Variants in MAPKAPK2 observed in about 807,000 individuals in gnomAD.
MAPKAPK2 encodes MAP kinase-activated protein kinase 2.
In MAPKAPK2, 9 loss-of-function variants were observed where a neutral mutation model predicts 48.8. The ratio of observed to expected loss-of-function variants is 0.18; its 90% CI spans 0.11 to 0.32. MAPKAPK2 has a LOEUF of 0.32. MAPKAPK2 is among the 10% of genes least tolerant of loss of function. The probability of loss-of-function intolerance (pLI) is 1.00; values close to 1 mark genes in which losing one functional copy is unlikely to be tolerated. For synonymous variants in MAPKAPK2, 202 were observed against 190.6 expected, an observed-to-expected ratio of 1.06 and a Z score of -0.49; for missense variants, 331 against 498.3, an observed-to-expected ratio of 0.66 and a Z score of 3.20.
At chr1:206,701,929 AT>A (rs1672810255) in intron 1 of MAPKAPK2, among the ~76,000 whole-genome samples, 1 of 150,754 alleles carries the variant, frequency 6.6e-6, no homozygotes, top group East Asian at 2.0e-4. Context: ...AACCAGGATG[AT>A]TGTTAGACTC....
Position 206,702,339 on chromosome 1 carries a change from C to T in MAPKAPK2, c.279+16831C>T, listed in dbSNP as rs1472800083. ...CAGCTGTGGTGTGGTCCCTGCCACT[C>T]CAAGTCATGGCATGCGTCAGAGTGC... On this transcript the variant is annotated intron_variant, in intron 1 of 9. Transcript: ENST00000367103. Among the ~76,000 whole-genome samples the T allele has an allele frequency of 3.9e-5, 6 of 152,318 alleles. No homozygotes were observed. In the East Asian group the frequency reaches 1.2e-3, roughly 29 times the overall value.
At chr1:206,722,830 C>T (rs1403388306) in intron 1 of MAPKAPK2, among the ~76,000 whole-genome samples, 1 of 152,222 alleles carries the variant, frequency 6.6e-6, no homozygotes, top group Non-Finnish European at 1.5e-5. Flanking sequence ...TCCTTTACAC[C>T]CCTCAGAGCA....
At chr1:206,688,953 G>A (rs1353268443) in intron 1 of MAPKAPK2, among the ~76,000 whole-genome samples, 2 of 152,082 alleles carry the variant, frequency 1.3e-5, no homozygotes, top group East Asian at 1.9e-4. Context: ...TCTTTGATAA[G>A]GACACCTAGT....
chr1:206,685,212 C>A lies in MAPKAPK2; in HGVS notation c.-18C>A. The A allele has an allele frequency of 2.7e-6, 1 of 377,086 alleles. No individual in the cohort carries two copies. Among genetic ancestry groups the A allele is most frequent in the Non-Finnish European group, 4.5e-6 (1 of 224,330 alleles). 23.4% of individuals were successfully genotyped at this position (377,086 alleles called of 1,614,324 possible). The stretch of plus-strand genomic sequence containing the variant: ...GGCCGCGGGCACCCCCGCCTGTGCC[C>A]CGGCGTCCCCGGGCACCATGCTGTC... On this transcript the variant is annotated 5_prime_UTR_variant, in exon 1 of 10. Transcript: ENST00000367103.
At chr1:206,720,352 T>TTTTTGTTTTG (rs549265514) in intron 1 of MAPKAPK2, among the ~76,000 whole-genome samples, 2 of 152,114 alleles carry the variant, frequency 1.3e-5, no homozygotes, top group Admixed American at 1.3e-4. Flanking sequence ...GCCTTTATTG[T>TTTTTGTTTTG]TTTTGTTTTG....
At chr1:206,713,520 C>G (rs1673225434) in intron 1 of MAPKAPK2, among the ~76,000 whole-genome samples, 1 of 152,150 alleles carries the variant, frequency 6.6e-6, no homozygotes, top group South Asian at 2.1e-4. Context: ...CAGCATGTGA[C>G]CCAAGATGTA....
rs372605257 is a variant in MAPKAPK2, at chr1:206,693,960, C to G, written c.279+8452C>G. On this transcript the variant is annotated intron_variant, in intron 1 of 9. Transcript: ENST00000367103. ...CCGAGTGCATGGGTTTCTTCTACCT[C>G]TTGACTGCAGTATTGATGTGTGTCC... Among the ~76,000 whole-genome samples, 13 of 152,296 alleles carry G rather than the reference C, an allele frequency of 8.5e-5. No individual in the cohort carries two copies. In the East Asian group the frequency reaches 1.5e-3, roughly 18 times the overall value.
intron 1 of MAPKAPK2, among the ~76,000 whole-genome samples, chr1:206,707,720 G>T (rs1673010508): frequency 6.6e-6 from 1 of 152,150 alleles, no homozygotes; most frequent in Non-Finnish European, 1.5e-5. Flanking sequence ...GGGGGTTTGG[G>T]GGTAGGGCAT....
chr1:206,709,272 A>G (rs1163791040), intron 1 of MAPKAPK2, among the ~76,000 whole-genome samples: 3 of 152,120 alleles, frequency 2.0e-5, no homozygotes, highest in African/African-American at 7.2e-5. Flanking sequence ...AATTCACCCT[A>G]GTTTATTGAA....
At chr1:206,707,974 G>A (rs1553428860) in intron 1 of MAPKAPK2, among the ~76,000 whole-genome samples, 1 of 152,174 alleles carries the variant, frequency 6.6e-6, no homozygotes, top group African/African-American at 2.4e-5. Context: ...GTGAAGAATA[G>A]ACTGACAGAG....
chr1:206,724,402 G>A (rs1410569221), intron 1 of MAPKAPK2, among the ~76,000 whole-genome samples: 1 of 152,164 alleles, frequency 6.6e-6, no homozygotes, highest in South Asian at 2.1e-4. Context: ...TGTCCACAGA[G>A]CCACTTTGGC....
chr1:206,717,919 A>G (rs952964602), intron 1 of MAPKAPK2, among the ~76,000 whole-genome samples: 12 of 152,238 alleles, frequency 7.9e-5, no homozygotes, highest in African/African-American at 2.9e-4. Context: ...AGTAGTCAAC[A>G]CTGCTACCTT....
At chr1:206,722,157 G>A (rs1410504794) in intron 1 of MAPKAPK2, among the ~76,000 whole-genome samples, 2 of 151,512 alleles carry the variant, frequency 1.3e-5, no homozygotes, top group African/African-American at 4.9e-5. Context: ...TCAGGAGATC[G>A]AGACCATCCT....
rs1553432733 is a variant in MAPKAPK2 at position 206,731,710 on chromosome 1, C to T, written c.963C>T (p.Asn321=). Residue 321 remains asparagine (N), a synonymous_variant, in exon 8 of 10, where the codon AAC becomes AAT. Coordinates refer to ENST00000367103, the MANE Select transcript of MAPKAPK2 (RefSeq NM_032960.4). This position sits in a 1 kb window ranked among gnomAD's most constrained non-coding sequence, Gnocchi z 5.9. The part of the protein sequence containing the change: ...TQRMTITEFM[N]HPWIMQSTKV... ...GAATGACCATCACCGAGTTTATGAACCACCCTTGGATCATGGTAAGCTCGG... is the reference window on the plus strand; with the variant it reads ...GAATGACCATCACCGAGTTTATGAATCACCCTTGGATCATGGTAAGCTCGG... 1 of 1,614,102 alleles carries T rather than the reference C, an allele frequency of 6.2e-7. No individual in the cohort carries two copies. The highest frequency in any genetic ancestry group is 1.7e-5 in the Admixed American group (1 of 60,030).
Position 206,731,362 on chromosome 1 carries a change from T to G in MAPKAPK2, c.892+100T>G. ...CACATGTATGGGCCTCCATCTCATG[T>G]GCGTGGTGTAACTGTGGGTTAGCAC... On this transcript the variant is annotated intron_variant, in intron 7 of 9. Coordinates refer to ENST00000367103, the MANE Select transcript of MAPKAPK2 (RefSeq NM_032960.4). This position sits in a 1 kb window ranked among gnomAD's most constrained non-coding sequence, Gnocchi z 5.9. 1 of 1,563,094 alleles carries G rather than the reference T, an allele frequency of 6.4e-7. No homozygotes were observed.
At chr1:206,694,843 T>G (rs1672565244) in intron 1 of MAPKAPK2, among the ~76,000 whole-genome samples, 1 of 152,200 alleles carries the variant, frequency 6.6e-6, no homozygotes, top group Non-Finnish European at 1.5e-5. Flanking sequence ...TTCTACATCC[T>G]TACAGGCACC....
At chr1:206,715,411 A>G (rs2102401720) in intron 1 of MAPKAPK2, among the ~76,000 whole-genome samples, 1 of 152,266 alleles carries the variant, frequency 6.6e-6, no homozygotes, top group Non-Finnish European at 1.5e-5. Context: ...CTTTGCACAC[A>G]TCCTTTACTG....
intron 1 of MAPKAPK2, among the ~76,000 whole-genome samples, chr1:206,702,473 A>G (rs1672826546): frequency 6.6e-6 from 1 of 152,202 alleles, no homozygotes; most frequent in Non-Finnish European, 1.5e-5. Context: ...ATCTCAGTGG[A>G]GCCCTACAGG....
chr1:206,707,417 A>G (rs1157000212), intron 1 of MAPKAPK2, among the ~76,000 whole-genome samples: 1 of 152,156 alleles, frequency 6.6e-6, no homozygotes, highest in African/African-American at 2.4e-5. Context: ...ATGTGAAGCC[A>G]GAAGCACCAG....
Sources: gnomAD v4.1 joint callset for allele counts (sites outside exome capture counted in the v4.1 genomes callset) on GRCh38, gnomAD v4.1.1 for gene constraint, Gnocchi (gnomAD v3.1) non-coding constraint, MANE v1.5 for transcripts, NCBI Gene and HGNC (gene_info 2026-07-23, HGNC 2026-07-21) for gene names.